HSD17B12: variants seen among roughly 807,000 people sequenced by gnomAD.
HSD17B12 encodes the protein hydroxysteroid 17-beta dehydrogenase 12.
HSD17B12 carries 32 observed loss-of-function variants against 39.3 expected under a neutral mutation model. The ratio of observed to expected loss-of-function variants is 0.81; its 90% CI spans 0.61 to 1.09. The LOEUF is 1.09. Among genes scored for constraint, HSD17B12 ranks in the 50% least tolerant of loss-of-function variants. The pLI is 0.00. For missense variants in HSD17B12, 342 were observed against 382.9 expected (o/e 0.89, Z 0.89); for synonymous variants, 150 against 146.7 (o/e 1.02, Z -0.16).
chr11:43,662,335 A>T, the HSD17B12 span, among the ~76,000 whole-genome samples: 1 of 150,678 alleles, frequency 6.6e-6, no homozygotes, highest in South Asian at 2.1e-4. Context: ...AGTAACTGGG[A>T]CTACAGGCAT....
At chr11:43,668,203 A>G in the HSD17B12 span, among the ~76,000 whole-genome samples, 2 of 152,326 alleles carry the variant, frequency 1.3e-5, no homozygotes, top group Admixed American at 1.3e-4. Context: ...AAGTCACTGC[A>G]TTATTTTCTG....
At chr11:43,787,931 G>A (rs535135718) in intron 3 of HSD17B12, among the ~76,000 whole-genome samples, 9 of 151,924 alleles carry the variant, frequency 5.9e-5, no homozygotes, top group African/African-American at 2.2e-4. Flanking sequence ...TTTTCCTGTG[G>A]CAAGATTTTA....
At chr11:43,674,703 T>TG in the HSD17B12 span, among the ~76,000 whole-genome samples, 3 of 152,240 alleles carry the variant, frequency 2.0e-5, no homozygotes, top group African/African-American at 7.2e-5. Flanking sequence ...TTATGCCATA[T>TG]GCTGTGATAG....
At chr11:43,744,181 A>G (rs1444203216) in intron 1 of HSD17B12, among the ~76,000 whole-genome samples, 1 of 152,184 alleles carries the variant, frequency 6.6e-6, no homozygotes, top group Non-Finnish European at 1.5e-5. Flanking sequence ...GAAGAGAAAA[A>G]TGTGAGGCAG....
chr11:43,689,615 C>T (rs2134776556), intron 1 of HSD17B12, among the ~76,000 whole-genome samples: 1 of 152,224 alleles, frequency 6.6e-6, no homozygotes, highest in Admixed American at 6.5e-5. Flanking sequence ...GGTGTGATCT[C>T]AGCTCACTGC....
At position 43,765,725 on chromosome 11, in the gene HSD17B12, CG is replaced by C. The variant is rs1439301130; in HGVS notation, c.283+11605del. On this transcript the variant is annotated intron_variant, in intron 3 of 10. Transcript: ENST00000278353. The stretch of plus-strand genomic sequence containing the variant: ...ATTTATATGCCTTCACATTCACCAA[CG>C]TTTTTTTCTGCAGTGTCTAATCTGC... 8.9e-4 allele frequency among the ~76,000 whole-genome samples: 136 copies of C among 152,228 alleles called. 2 individuals carry two copies. The highest frequency in any genetic ancestry group is 8.7e-3 in the Admixed American group (133 of 15,290).
the HSD17B12 span, among the ~76,000 whole-genome samples, chr11:43,561,211 G>T: frequency 6.6e-6 from 1 of 152,154 alleles, no homozygotes; most frequent in East Asian, 1.9e-4. Context: ...AAATATATTT[G>T]GTTTGATTCA....
Position 43,838,397 on chromosome 11 carries a change from A to T in HSD17B12, c.617A>T (p.Lys206Met), listed in dbSNP as rs1343140532. ...CTCTTGACCATCTATTCTGCAACCA[A>T]GGTAAAAAATATTTTCTTAAATCAT... is the stretch of plus-strand genomic sequence containing the variant. The part of the protein sequence containing the change: ...VPLLTIYSAT[K>M]TFVDFFSQCL... Residue 206 changes from lysine to methionine, a missense_variant and splice_region_variant, in exon 8 of 11, where the codon AAG becomes ATG. By Grantham distance (95) the Lys-to-Met change is moderately conservative. Transcript: ENST00000278353. 1.2e-6 allele frequency: 2 copies of T among 1,607,034 alleles called. No individual in the cohort carries two copies. Among genetic ancestry groups the T allele is most frequent in the Non-Finnish European group, 1.7e-6 (2 of 1,173,870 alleles).
intron 1 of HSD17B12, among the ~76,000 whole-genome samples, chr11:43,686,239 G>T (rs2066569819): frequency 6.6e-6 from 1 of 152,184 alleles, no homozygotes; most frequent in African/African-American, 2.4e-5. Flanking sequence ...CATTACATGG[G>T]TTATGTTTTT....
chr11:43,579,857 G>T, the HSD17B12 span, among the ~76,000 whole-genome samples: 1 of 152,036 alleles, frequency 6.6e-6, no homozygotes, highest in African/African-American at 2.4e-5. Context: ...GGCGTGCTGG[G>T]CGAGGGTGGG....
chr11:43,581,404 G>A, the HSD17B12 span: 1 of 516,696 alleles, frequency 1.9e-6, no homozygotes, highest in South Asian at 1.5e-5. This position sits in a 1 kb window ranked among gnomAD's most constrained non-coding sequence, Gnocchi z 4.9. Flanking sequence ...TGCCCTTCGC[G>A]AATCTTTTTG....
At chr11:43,848,234 A>G (rs1424270392) in intron 9 of HSD17B12, among the ~76,000 whole-genome samples, 2 of 152,218 alleles carry the variant, frequency 1.3e-5, no homozygotes, top group African/African-American at 4.8e-5. Context: ...TGGCTTAAGA[A>G]TAGTAAAATT....
At chr11:43,573,310 C>T in the HSD17B12 span, among the ~76,000 whole-genome samples, 1 of 152,172 alleles carries the variant, frequency 6.6e-6, no homozygotes, top group South Asian at 2.1e-4. Context: ...AGACATCCTC[C>T]AAAGGACCTG....
the HSD17B12 span, among the ~76,000 whole-genome samples, chr11:43,611,749 A>T: frequency 6.6e-6 from 1 of 152,228 alleles, no homozygotes. Flanking sequence ...TAAAAACAAT[A>T]GTGAATTTTT....
the HSD17B12 span, among the ~76,000 whole-genome samples, chr11:43,642,136 T>C: frequency 2.0e-5 from 3 of 151,844 alleles, no homozygotes; most frequent in South Asian, 6.2e-4. Context: ...TTTAAAAAAA[T>C]ATACTTTAAA....
At chr11:43,783,033 C>A (rs1214724113) in intron 3 of HSD17B12, among the ~76,000 whole-genome samples, 1 of 152,140 alleles carries the variant, frequency 6.6e-6, no homozygotes, top group East Asian at 1.9e-4. Context: ...GAGGGACATT[C>A]TACAAAGTAA....
chr11:43,678,633 A>G (rs1949713643), upstream of HSD17B12, among the ~76,000 whole-genome samples: 1 of 152,094 alleles, frequency 6.6e-6, no homozygotes, highest in African/African-American at 2.4e-5. Context: ...GAAGGGATCC[A>G]GTTTCAGCTT....
At chr11:43,842,239 G>T (rs1951433632) in intron 9 of HSD17B12, among the ~76,000 whole-genome samples, 1 of 152,180 alleles carries the variant, frequency 6.6e-6, no homozygotes, top group Non-Finnish European at 1.5e-5. Flanking sequence ...ATGTCATGTA[G>T]ATGTAGCTTC....
At chr11:43,561,514 G>A in the HSD17B12 span, among the ~76,000 whole-genome samples, 1 of 152,156 alleles carries the variant, frequency 6.6e-6, no homozygotes, top group African/African-American at 2.4e-5. Context: ...AGAGATGTGA[G>A]GTGGACTAGT....
Sources: gnomAD v4.1 joint callset for allele counts (sites outside exome capture counted in the v4.1 genomes callset) on GRCh38, gnomAD v4.1.1 for gene constraint, Gnocchi (gnomAD v3.1) non-coding constraint, MANE v1.5 for transcripts, NCBI Gene and HGNC (gene_info 2026-07-23, HGNC 2026-07-21) for gene names.